Variants in LEPR observed in about 807,000 individuals in gnomAD.
LEPR encodes the protein OB receptor.
In LEPR, 56 loss-of-function variants were observed where a neutral mutation model predicts 114.7. The ratio of observed to expected loss-of-function variants is 0.49; its 90% CI spans 0.39 to 0.61. The LOEUF is 0.61. Among genes scored for constraint, LEPR ranks in the 20% least tolerant of loss-of-function variants. The pLI, the probability that LEPR is intolerant of heterozygous loss-of-function variation, is 0.00. For synonymous variants in LEPR, 443 were observed against 461.4 expected (o/e 0.96, Z 0.51); for missense variants, 1,202 against 1,352.9 (o/e 0.89, Z 1.75).
At chr1:65,429,288 G>T (rs562078440) in intron 2 of LEPR, among the ~76,000 whole-genome samples, 12 of 152,236 alleles carry the variant, frequency 7.9e-5, no homozygotes, top group African/African-American at 2.9e-4. Context: ...TAGCGCAAAG[G>T]CCCCAGGATA....
rs779911257 is a variant in LEPR at position 65,598,649 on chromosome 1, A to C, written c.850-11A>C. On this transcript the variant is annotated splice_polypyrimidine_tract_variant and intron_variant, in intron 7 of 19. Coordinates refer to ENST00000349533, the MANE Select transcript of LEPR (RefSeq NM_002303.6). ...CTTGATGTTCTGATGTTTTAATATAATATTTAACAGGCTGACAAGATTGTC... is the reference window on the plus strand; with the variant it reads ...CTTGATGTTCTGATGTTTTAATATACTATTTAACAGGCTGACAAGATTGTC... 16 of 1,612,492 alleles carry C rather than the reference A, an allele frequency of 9.9e-6. No individual in the cohort carries two copies. The South Asian group carries it at 1.6e-4, about 17-fold the overall frequency.
At chr1:65,472,551 T>C (rs1371477577) in intron 2 of LEPR, among the ~76,000 whole-genome samples, 1 of 149,110 alleles carries the variant, frequency 6.7e-6, no homozygotes. Context: ...ACAGCATTGC[T>C]ATTTGATGTT....
At chr1:65,549,994 G>A (rs557198488) in intron 2 of LEPR, among the ~76,000 whole-genome samples, 60 of 152,284 alleles carry the variant, frequency 3.9e-4, no homozygotes, top group African/African-American at 1.4e-3. Context: ...GGTTTTTGGT[G>A]TGGATGTCCT....
At chr1:65,461,765 A>G (rs1570495077) in intron 2 of LEPR, among the ~76,000 whole-genome samples, 1 of 152,338 alleles carries the variant, frequency 6.6e-6, no homozygotes, top group South Asian at 2.1e-4. Flanking sequence ...TTCATAGTGG[A>G]AAAATCTGAC....
intron 2 of LEPR, among the ~76,000 whole-genome samples, chr1:65,495,289 G>A (rs1022689437): frequency 6.6e-6 from 1 of 152,098 alleles, no homozygotes; most frequent in Non-Finnish European, 1.5e-5. Flanking sequence ...CCAACAGATG[G>A]AAGAAAAATG....
intron 1 of LEPR, among the ~76,000 whole-genome samples, chr1:65,423,113 G>A (rs191758444): frequency 5.6e-4 from 85 of 152,154 alleles, no homozygotes; most frequent in African/African-American, 1.9e-3. Context: ...GGTTTTACAC[G>A]TGTTACACAT....
chr1:65,507,868 G>A (rs1048286682), intron 2 of LEPR, among the ~76,000 whole-genome samples: 1 of 151,942 alleles, frequency 6.6e-6, no homozygotes, highest in Non-Finnish European at 1.5e-5. Flanking sequence ...CTTATCTTTC[G>A]AAATAGCTGA....
chr1:65,529,975 A>G (rs1185535293), intron 2 of LEPR, among the ~76,000 whole-genome samples: 11 of 151,928 alleles, frequency 7.2e-5, no homozygotes, highest in Non-Finnish European at 4.4e-5. Context: ...CAATCTCTCT[A>G]TGTGTGTGTG....
intron 2 of LEPR, among the ~76,000 whole-genome samples, chr1:65,552,030 T>C (rs1341952756): frequency 6.6e-6 from 1 of 152,254 alleles, no homozygotes; most frequent in Non-Finnish European, 1.5e-5. Flanking sequence ...GTGAGTTTCT[T>C]AATCCTCAGT....
intron 2 of LEPR, among the ~76,000 whole-genome samples, chr1:65,445,797 C>CT (rs1553153002): frequency 1.3e-5 from 2 of 152,082 alleles, no homozygotes; most frequent in Non-Finnish European, 2.9e-5. Context: ...AAGACTTAAT[C>CT]AATTCTCAAT....
At chr1:65,447,178 C>T (rs1236542705) in intron 2 of LEPR, among the ~76,000 whole-genome samples, 1 of 151,806 alleles carries the variant, frequency 6.6e-6, no homozygotes, top group African/African-American at 2.4e-5. Context: ...TGCCTAATGT[C>T]GTGATGATTT....
At chr1:65,526,344 A>G (rs1649969887) in intron 2 of LEPR, 3 of 985,320 alleles carry the variant, frequency 3.0e-6, no homozygotes, top group South Asian at 4.7e-5. Context: ...CATCAGCAGC[A>G]AAACCCCAAA....
chr1:65,535,222 G>A (rs181779837), intron 2 of LEPR, among the ~76,000 whole-genome samples: 1 of 151,740 alleles, frequency 6.6e-6, no homozygotes, highest in Admixed American at 6.6e-5. Context: ...TGTAGTTGCT[G>A]TTATAGTAGT....
chr1:65,430,736 C>A (rs1266380504), intron 2 of LEPR, among the ~76,000 whole-genome samples: 1 of 152,092 alleles, frequency 6.6e-6, no homozygotes, highest in Non-Finnish European at 1.5e-5. Context: ...TTGTAAAACA[C>A]CAGAAATAAG....
chr1:65,431,202 A>G (rs535724785), intron 2 of LEPR, among the ~76,000 whole-genome samples: 4 of 152,270 alleles, frequency 2.6e-5, no homozygotes, highest in African/African-American at 9.6e-5. Flanking sequence ...GTAAATATTT[A>G]TATTTTTTCC....
At chr1:65,427,395 G>A (rs1646400264) in intron 2 of LEPR, among the ~76,000 whole-genome samples, 1 of 152,098 alleles carries the variant, frequency 6.6e-6, no homozygotes, top group African/African-American at 2.4e-5. Context: ...GCAACAAAGT[G>A]AGACCCCATT....
intron 3 of LEPR, among the ~76,000 whole-genome samples, chr1:65,566,201 CTTTTTTT>C (rs35617332): frequency 2.6e-5 from 3 of 113,546 alleles, no homozygotes; most frequent in Non-Finnish European, 3.6e-5. Flanking sequence ...TAGATTAATT[CTTTTTTT>C]TTTTTTTTTT....
chr1:65,439,507 G>T (rs547911547), intron 2 of LEPR, among the ~76,000 whole-genome samples: 1 of 152,224 alleles, frequency 6.6e-6, no homozygotes, highest in African/African-American at 2.4e-5. Context: ...AATTTTTAAA[G>T]TAAAAAATAA....
At chr1:65,454,422 G>C (rs879512298) in intron 2 of LEPR, among the ~76,000 whole-genome samples, 1 of 151,930 alleles carries the variant, frequency 6.6e-6, no homozygotes, top group Non-Finnish European at 1.5e-5. Flanking sequence ...GGCTGGTACC[G>C]GTTGTTCCTT....
Sources: allele counts gnomAD v4.1 joint callset (sites outside exome capture counted in the v4.1 genomes callset), GRCh38; gene constraint gnomAD v4.1.1; transcripts MANE v1.5; gene names NCBI Gene and HGNC (gene_info 2026-07-23, HGNC 2026-07-21).